ELFN1: variants seen among roughly 807,000 people sequenced by gnomAD.
ELFN1 encodes the protein protein ELFN1.
In ELFN1, 6 loss-of-function variants were observed where a neutral mutation model predicts 7.6. The ratio of observed to expected loss-of-function variants is 0.79; its 90% CI spans 0.43 to 1.56. The LOEUF (loss-of-function observed/expected upper bound fraction) is 1.56, where lower values mean the gene tolerates loss of function less well. Ranked by LOEUF, ELFN1 falls within the 40% of genes most tolerant of loss-of-function variation. The probability of loss-of-function intolerance (pLI) is 0.01; values close to 1 mark genes in which losing one functional copy is unlikely to be tolerated. For synonymous variants in ELFN1, 657 were observed against 588.1 expected (o/e 1.12, Z -1.70); for missense variants, 1,169 against 1,232.2 (o/e 0.95, Z 0.77).
intron 3 of ELFN1, among the ~76,000 whole-genome samples, chr7:1,727,368 A>G (rs1780226488): frequency 6.6e-6 from 1 of 152,134 alleles, no homozygotes; most frequent in East Asian, 1.9e-4. Flanking sequence ...GTATCTCTTG[A>G]AGCTCAGCTG....
chr7:1,721,981 A>C (rs907657513), intron 3 of ELFN1, among the ~76,000 whole-genome samples: 1 of 152,160 alleles, frequency 6.6e-6, no homozygotes, highest in Non-Finnish European at 1.5e-5. Flanking sequence ...GGGTGTGTAC[A>C]TCCCATCCTT....
intron 1 of ELFN1, among the ~76,000 whole-genome samples, chr7:1,674,685 C>T (rs1324772668): frequency 6.6e-6 from 1 of 152,138 alleles, no homozygotes; most frequent in East Asian, 1.9e-4. Flanking sequence ...AGTTCCAGGA[C>T]AGACTCGGGC....
At chr7:1,710,528 C>T (rs1246058400) in intron 3 of ELFN1, among the ~76,000 whole-genome samples, 1 of 152,214 alleles carries the variant, frequency 6.6e-6, no homozygotes, top group African/African-American at 2.4e-5. Flanking sequence ...ATTGGCCCTG[C>T]CAACAGCTTG....
chr7:1,675,312 T>C (rs1404997293), intron 1 of ELFN1, among the ~76,000 whole-genome samples: 1 of 152,100 alleles, frequency 6.6e-6, no homozygotes, highest in Non-Finnish European at 1.5e-5. Flanking sequence ...TGTGGCCAGG[T>C]GGCGGCCGAG....
chr7:1,691,679 T>C (rs1453828311), intron 2 of ELFN1, among the ~76,000 whole-genome samples: 1 of 152,184 alleles, frequency 6.6e-6, no homozygotes, highest in Non-Finnish European at 1.5e-5. Flanking sequence ...GGTAGGTCTC[T>C]GTTGGCATCA....
chr7:1,735,356 T>C lies in ELFN1; in HGVS notation c.-293-8948T>C. On this transcript the variant is annotated intron_variant, in intron 3 of 3. Transcript: ENST00000424383. The surrounding 1 kb of genome is among the most constrained non-coding windows in gnomAD (Gnocchi z 5.9). ...CACTCGGCACCGTTCCCATAGCCCC[T>C]TGACCTTCCCCAGCACTCACCGAGT... 6.6e-6 allele frequency among the ~76,000 whole-genome samples: 1 copy of C among 152,006 alleles called. No individual in the cohort carries two copies. Among genetic ancestry groups the C allele is most frequent in the Non-Finnish European group, 1.5e-5 (1 of 67,970 alleles).
intron 3 of ELFN1, among the ~76,000 whole-genome samples, chr7:1,731,870 G>C (rs554793209): frequency 6.6e-6 from 1 of 152,308 alleles, no homozygotes; most frequent in South Asian, 2.1e-4. Context: ...GGCTGGTCTG[G>C]AACTCCTGAG....
chr7:1,667,755 C>T (rs945755751), upstream of ELFN1, among the ~76,000 whole-genome samples: 2 of 152,210 alleles, frequency 1.3e-5, no homozygotes, highest in African/African-American at 4.8e-5. The surrounding 1 kb of genome is among the most constrained non-coding windows in gnomAD (Gnocchi z 8.2). Flanking sequence ...CTCCCAGCTT[C>T]ACCGCCGCGT....
At chr7:1,732,975 A>G (rs1198425056) in intron 3 of ELFN1, among the ~76,000 whole-genome samples, 1 of 152,114 alleles carries the variant, frequency 6.6e-6, no homozygotes, top group East Asian at 1.9e-4. Context: ...ATGTCAGTTC[A>G]CTGCAAGCTC....
intron 1 of ELFN1, among the ~76,000 whole-genome samples, chr7:1,684,247 C>G (rs116263495): frequency 9.2e-5 from 14 of 152,248 alleles, no homozygotes; most frequent in African/African-American, 3.4e-4. Context: ...GCATGTATAT[C>G]TTTTTCGATC....
intron 1 of ELFN1, among the ~76,000 whole-genome samples, chr7:1,674,967 G>T (rs943136796): frequency 7.6e-6 from 1 of 132,262 alleles, no homozygotes; most frequent in Non-Finnish European, 1.6e-5. Flanking sequence ...GGCAGTGGCC[G>T]CAAGCCACTG....
chr7:1,696,594 A>C (rs887823328), intron 2 of ELFN1, among the ~76,000 whole-genome samples: 5 of 151,946 alleles, frequency 3.3e-5, no homozygotes, highest in African/African-American at 1.2e-4. Flanking sequence ...GTGGAGATGG[A>C]GTTTCGCTAT....
At chr7:1,707,091 A>G (rs1226198148) in intron 2 of ELFN1, among the ~76,000 whole-genome samples, 1 of 152,228 alleles carries the variant, frequency 6.6e-6, no homozygotes, top group African/African-American at 2.4e-5. Context: ...ATGGAGAGTG[A>G]AAAGCTCCAG....
At chr7:1,700,829 A>C (rs1456764442) in intron 2 of ELFN1, among the ~76,000 whole-genome samples, 2 of 152,214 alleles carry the variant, frequency 1.3e-5, no homozygotes, top group East Asian at 3.8e-4. Flanking sequence ...TATCTTACCA[A>C]GCTTTCATTT....
Position 1,740,690 on chromosome 7 carries a change from CT to C in ELFN1, c.-293-3613del, listed in dbSNP as rs1780584572. On this transcript the variant is annotated intron_variant, in intron 3 of 3. Coordinates refer to ENST00000424383, the MANE Select transcript of ELFN1 (RefSeq NM_001128636.4). This position sits in a 1 kb window ranked among gnomAD's most constrained non-coding sequence, Gnocchi z 5.0. ...TGGACCCGGGCCACCCCCCGAACCC[CT>C]CCTAGCACAGCACCTGTCCAGCCTC... Among the ~76,000 whole-genome samples the C allele has an allele frequency of 6.6e-6, 1 of 152,170 alleles. No individual in the cohort carries two copies. The highest frequency in any genetic ancestry group is 2.1e-4 in the South Asian group (1 of 4,832).
intron 3 of ELFN1, among the ~76,000 whole-genome samples, chr7:1,711,220 C>T (rs958086467): frequency 3.3e-5 from 5 of 152,208 alleles, no homozygotes; most frequent in South Asian, 4.1e-4. Flanking sequence ...CGAGGGGCTG[C>T]GTCTCCAGAG....
At chr7:1,731,531 C>A (rs1780324927) in intron 3 of ELFN1, among the ~76,000 whole-genome samples, 1 of 152,136 alleles carries the variant, frequency 6.6e-6, no homozygotes, top group African/African-American at 2.4e-5. Context: ...TTTATTGCCC[C>A]AAATGGGATA....
Position 1,744,513 on chromosome 7 carries a change from T to G in ELFN1, c.-84T>G, listed in dbSNP as rs1583407579. ...TGCAGGCACCTCCCCCTCCCGCCCC[T>G]CCATCCCTCTGGGGGCTGGCGCCTG... On this transcript the variant is annotated 5_prime_UTR_variant, in exon 4 of 4. Transcript: ENST00000424383. 7 of 1,348,438 alleles carry G rather than the reference T, an allele frequency of 5.2e-6. No homozygotes were observed. In the East Asian group the frequency reaches 1.9e-4, roughly 36 times the overall value. 83.5% of individuals were successfully genotyped at this position (1,348,438 alleles called of 1,614,324 possible).
chr7:1,709,275 A>T (rs761521188), intron 3 of ELFN1, 23 bp downstream of exon 3: 2 of 152,168 alleles, frequency 1.3e-5, no homozygotes, highest in Non-Finnish European at 2.9e-5. Flanking sequence ...CTTGTTCCTC[A>T]TGCTCTCCGC....
Sources: gnomAD v4.1 joint callset for allele counts (sites outside exome capture counted in the v4.1 genomes callset) on GRCh38, gnomAD v4.1.1 for gene constraint, Gnocchi (gnomAD v3.1) non-coding constraint, MANE v1.5 for transcripts, NCBI Gene and HGNC (gene_info 2026-07-23, HGNC 2026-07-21) for gene names.